POMZP3: variants seen among roughly 807,000 people sequenced by gnomAD.
POMZP3 encodes the protein POM121 and ZP3 fusion, also known as POM121 and ZP3 fusion protein.
Under a neutral mutation model 19.8 loss-of-function variants are expected in POMZP3, and 10 were observed. That is an observed-to-expected ratio of 0.51 (90% CI 0.31 to 0.86). The LOEUF (loss-of-function observed/expected upper bound fraction) is 0.86, where lower values mean the gene tolerates loss of function less well. Ranked by LOEUF, POMZP3 falls within the 40% of genes least tolerant of loss-of-function variation. POMZP3 has a pLI of 0.04. For synonymous variants in POMZP3, 57 were observed against 85.8 expected (o/e 0.66, Z 1.85); for missense variants, 152 against 228.1 (o/e 0.67, Z 2.15).
intron 3 of POMZP3, among the ~76,000 whole-genome samples, chr7:76,619,529 C>T (rs1029749080): frequency 1.0e-4 from 15 of 150,708 alleles, no homozygotes; most frequent in African/African-American, 4.9e-5. Context: ...GCAGGAGCAG[C>T]GGCAGGAAAT....
chr7:76,616,711 C>T (rs1202560727), intron 4 of POMZP3, among the ~76,000 whole-genome samples: 1 of 95,202 alleles, frequency 1.1e-5, no homozygotes, highest in Non-Finnish European at 2.3e-5. Context: ...AAAAGTTAGC[C>T]GGGTGTGGTG....
At chr7:76,611,345 A>G in intron 6 of POMZP3, 109 bp downstream of exon 6, 2 of 1,155,684 alleles carry the variant, frequency 1.7e-6, no homozygotes, top group East Asian at 2.5e-5. Context: ...CCTAGGTACA[A>G]ACAGTTTTAA....
At chr7:76,616,389 G>T (rs1345815557) in intron 4 of POMZP3, among the ~76,000 whole-genome samples, 1 of 101,710 alleles carries the variant, frequency 9.8e-6, no homozygotes, top group Non-Finnish European at 2.2e-5. Context: ...GTTACAAAAT[G>T]TGACACCAGG....
chr7:76,610,349 C>G, intron 6 of POMZP3, 134 bp from the exon 7 acceptor site: 2 of 1,250,556 alleles, frequency 1.6e-6, no homozygotes, highest in Non-Finnish European at 2.3e-6. Flanking sequence ...AGTTTCTAGA[C>G]AAAAAAACAC....
chr7:76,625,001 C>T (rs1391506703), intron 3 of POMZP3, among the ~76,000 whole-genome samples: 5 of 151,246 alleles, frequency 3.3e-5, no homozygotes, highest in East Asian at 2.0e-4. Context: ...GGCATGGTGG[C>T]GGGCGCCTGT....
Position 76,625,454 on chromosome 7 carries a change from A to G in POMZP3, c.227+68T>C. 3.8e-6 allele frequency: 6 copies of G among 1,599,190 alleles called. No homozygotes were observed. The South Asian group carries it at 6.7e-5, about 18-fold the overall frequency. ...GAGGTGGCCTCTGTATCTTTACGGGAATGTCTACATCTCATCCCATAGGAG... is the reference window on the plus strand; with the variant it reads ...GAGGTGGCCTCTGTATCTTTACGGGGATGTCTACATCTCATCCCATAGGAG... On this transcript the variant is annotated intron_variant, in intron 3 of 6. Transcript: ENST00000310842.
chr7:76,610,644 A>G (rs1396381328), intron 6 of POMZP3, among the ~76,000 whole-genome samples: 1 of 151,616 alleles, frequency 6.6e-6, no homozygotes, highest in Non-Finnish European at 1.5e-5. Flanking sequence ...AGAGCTAGAC[A>G]CCATCTTGGT....
chr7:76,624,770 C>G (rs1430391865), intron 3 of POMZP3, among the ~76,000 whole-genome samples: 1 of 151,088 alleles, frequency 6.6e-6, no homozygotes, highest in African/African-American at 2.4e-5. Flanking sequence ...AATCTCATTA[C>G]TGATAAAACT....
chr7:76,620,524 A>G (rs1248033015), intron 3 of POMZP3, among the ~76,000 whole-genome samples: 4 of 150,256 alleles, frequency 2.7e-5, no homozygotes, highest in African/African-American at 7.5e-5. Context: ...GCTAGAGTGC[A>G]ATGGTATGAT....
rs1408388271 is a variant in POMZP3, at chr7:76,626,133, C to G, written c.-69G>C. On this transcript the variant is annotated 5_prime_UTR_variant, in exon 2 of 7. Coordinates refer to ENST00000310842, the MANE Select transcript of POMZP3 (RefSeq NM_012230.5). ...TTCCAGCACACTGTGGGAAGTACCCCCGGACAGGAATACTGGGCCTGATGG... is the reference window on the plus strand; with the variant it reads ...TTCCAGCACACTGTGGGAAGTACCCGCGGACAGGAATACTGGGCCTGATGG... 4 of 1,611,626 alleles carry G rather than the reference C, an allele frequency of 2.5e-6. No homozygotes were observed. In the Admixed American group the frequency reaches 5.0e-5, roughly 20 times the overall value.
chr7:76,620,345 AAAG>A (rs1815484348), intron 3 of POMZP3, among the ~76,000 whole-genome samples: 1 of 90,438 alleles, frequency 1.1e-5, no homozygotes, highest in Non-Finnish European at 2.3e-5. Context: ...AAAAAAAAAA[AAAG>A]GACAACACGT....
intron 3 of POMZP3, among the ~76,000 whole-genome samples, chr7:76,620,748 G>A (rs371362883): frequency 4.6e-5 from 7 of 151,872 alleles, no homozygotes; most frequent in South Asian, 4.1e-4. Context: ...GATTACAGGC[G>A]TGAGTCACCT....
At chr7:76,619,212 A>T (rs932977141) in intron 3 of POMZP3, among the ~76,000 whole-genome samples, 1 of 151,900 alleles carries the variant, frequency 6.6e-6, no homozygotes, top group African/African-American at 2.4e-5. Context: ...ACATGGGGAA[A>T]CCCCGTCTCC....
intron 4 of POMZP3, among the ~76,000 whole-genome samples, chr7:76,615,077 C>T (rs1161510635): frequency 8.2e-6 from 1 of 121,780 alleles, no homozygotes; most frequent in Non-Finnish European, 1.8e-5. Context: ...ACTGAGGCAT[C>T]ATCAATCCTA....
Position 76,626,169 on chromosome 7 carries a change from G to T in POMZP3, c.-105C>A, listed in dbSNP as rs533669389. On this transcript the variant is annotated 5_prime_UTR_variant, in exon 2 of 7. Coordinates refer to ENST00000310842, the MANE Select transcript of POMZP3 (RefSeq NM_012230.5). ...TACTGGGCCTGATGGATCGGATAGC[G>T]TCTTCGAGGTGTTATTACAAACCGA... The T allele has an allele frequency of 2.1e-5, 33 of 1,592,344 alleles. No individual in the cohort carries two copies. The African/African-American group carries it at 3.9e-4, about 19-fold the overall frequency.
rs1184249774 is a variant in POMZP3, at chr7:76,620,307, A to G, written c.228-2007T>C. On this transcript the variant is annotated intron_variant, in intron 3 of 6. Coordinates refer to ENST00000310842, the MANE Select transcript of POMZP3 (RefSeq NM_012230.5). ...TGCACCACTGCACTCCAGCCTGGGC[A>G]ACAGAGTGAGACTGTCTCAAATAAA... Among the ~76,000 whole-genome samples the G allele has an allele frequency of 5.5e-5, 4 of 72,792 alleles. 1 individual carries two copies. Among genetic ancestry groups the G allele is most frequent in the Admixed American group, 5.3e-4 (4 of 7,578 alleles). The allele number at this position is 72,792 out of a possible 152,430, so 47.8% of individuals were successfully genotyped here. A position where few individuals can be genotyped will look rare whatever the true frequency, so the allele number is the denominator to read the frequency against.
chr7:76,624,859 G>A (rs1212730033), intron 3 of POMZP3, among the ~76,000 whole-genome samples: 18 of 151,236 alleles, frequency 1.2e-4, no homozygotes, highest in African/African-American at 4.1e-4. Flanking sequence ...TGGGCCGGGC[G>A]CCGTGGCTCA....
At chr7:76,610,869 GATTATT>G (rs754529149) in intron 6 of POMZP3, among the ~76,000 whole-genome samples, 1 of 122,474 alleles carries the variant, frequency 8.2e-6, no homozygotes, top group South Asian at 2.8e-4. Flanking sequence ...GTTCTGGCCA[GATTATT>G]ATTATTTTTT....
intron 3 of POMZP3, among the ~76,000 whole-genome samples, chr7:76,619,387 TTAAAA>T (rs66520553): frequency 0.6 from 88,682 of 147,096 alleles, 27,734 homozygotes; most frequent in African/African-American, 0.76. Context: ...GACTCTGTCT[TTAAAA>T]TAAAATAAAA....
Sources: gnomAD v4.1 joint callset for allele counts (sites outside exome capture counted in the v4.1 genomes callset) on GRCh38, gnomAD v4.1.1 for gene constraint, MANE v1.5 for transcripts, NCBI Gene and HGNC (gene_info 2026-07-23, HGNC 2026-07-21) for gene names.